CDKN2B-AS1: variants seen among roughly 807,000 people sequenced by gnomAD.
The protein encoded by CDKN2B-AS1 is CDKN2B and CDKN2A antisense cis and trans regulatory RNA 1, also known as CDKN2B antisense RNA 1 (non-protein coding).
intron 4 of CDKN2B-AS1, among the ~76,000 whole-genome samples, chr9:22,095,303 A>G (rs1449058363): frequency 1.4e-5 from 2 of 144,298 alleles, no homozygotes; most frequent in Non-Finnish European, 3.0e-5. Context: ...CAGATCTCAA[A>G]CTGGTTTCAA....
intron 1 of CDKN2B-AS1, among the ~76,000 whole-genome samples, chr9:22,033,390 C>T (rs1759417): frequency 0.067 from 10,138 of 152,178 alleles, 456 homozygotes; most frequent in Non-Finnish European, 0.1. Context: ...ATCACAATTT[C>T]CTCACTATAT....
intron 1 of CDKN2B-AS1, among the ~76,000 whole-genome samples, chr9:22,045,895 A>G (rs1823088432): frequency 6.6e-6 from 1 of 152,134 alleles, no homozygotes; most frequent in Non-Finnish European, 1.5e-5. Flanking sequence ...AATATTTTAT[A>G]TGTACCTATA....
At chr9:22,103,507 C>T (rs1825560142) in intron 4 of CDKN2B-AS1, among the ~76,000 whole-genome samples, 1 of 152,100 alleles carries the variant, frequency 6.6e-6, no homozygotes, top group South Asian at 2.1e-4. Flanking sequence ...GCAGCAAAGG[C>T]CCACATCGTT....
At chr9:22,072,499 G>C (rs1388629110) in intron 4 of CDKN2B-AS1, among the ~76,000 whole-genome samples, 1 of 152,154 alleles carries the variant, frequency 6.6e-6, no homozygotes, top group Non-Finnish European at 1.5e-5. Context: ...TTTTGCCTGT[G>C]TGCGCCTGCA....
At chr9:22,045,955 C>G (rs1434065802) in intron 1 of CDKN2B-AS1, among the ~76,000 whole-genome samples, 8 of 152,088 alleles carry the variant, frequency 5.3e-5, no homozygotes, top group Admixed American at 5.2e-4. Context: ...AATTCTCTTG[C>G]TATATTAAAT....
chr9:22,046,430 C>T (rs982498468), intron 1 of CDKN2B-AS1: 1 of 152,154 alleles, frequency 6.6e-6, no homozygotes, highest in African/African-American at 2.4e-5. Flanking sequence ...ACCTGCCTGC[C>T]CTGTCGAGGA....
chr9:22,083,898 G>A (rs1252746527), intron 4 of CDKN2B-AS1, among the ~76,000 whole-genome samples: 2 of 152,064 alleles, frequency 1.3e-5, no homozygotes, highest in African/African-American at 4.8e-5. Flanking sequence ...TGGTGATGGC[G>A]CTATATATTA....
chr9:22,017,995 A>C (rs1821849046), intron 1 of CDKN2B-AS1, among the ~76,000 whole-genome samples: 1 of 152,240 alleles, frequency 6.6e-6, no homozygotes, highest in Admixed American at 6.5e-5. Context: ...TTGCTATTAT[A>C]GATGGAATAT....
At chr9:22,079,519 AAAAG>A (rs1462614741) in intron 4 of CDKN2B-AS1, among the ~76,000 whole-genome samples, 1 of 151,678 alleles carries the variant, frequency 6.6e-6, no homozygotes, top group Non-Finnish European at 1.5e-5. Flanking sequence ...AAAAAAAAAA[AAAAG>A]GGAAAGAAAA....
intron 2 of CDKN2B-AS1, chr9:22,049,027 T>C (rs1006826889): frequency 1.3e-5 from 2 of 152,192 alleles, no homozygotes; most frequent in African/African-American, 4.8e-5. Flanking sequence ...AATTCTAAAA[T>C]TCTATTATTT....
Position 22,123,273 on chromosome 9 carries a change from A to G in CDKN2B-AS1, n.439-3830A>G, listed in dbSNP as rs146721626. 5.3e-5 allele frequency among the ~76,000 whole-genome samples: 8 copies of G among 152,292 alleles called. No homozygotes were observed. In the East Asian group the frequency reaches 1.2e-3, roughly 22 times the overall value. On this transcript the variant is annotated intron_variant and non_coding_transcript_variant, in intron 4 of 4. Transcript: ENST00000650946. ...TGGTAGAGTCATTAGATTTTTCTGT[A>G]TATAAAATCATGTCATCTGCAAACA...
intron 1 of CDKN2B-AS1, among the ~76,000 whole-genome samples, chr9:22,024,004 G>T (rs1822121954): frequency 6.6e-6 from 1 of 152,182 alleles, no homozygotes; most frequent in South Asian, 2.1e-4. Flanking sequence ...TCCTTTGGAG[G>T]AAAGAAGGTA....
At chr9:22,051,201 A>C (rs1257817260) in intron 3 of CDKN2B-AS1, among the ~76,000 whole-genome samples, 1 of 152,124 alleles carries the variant, frequency 6.6e-6, no homozygotes, top group Non-Finnish European at 1.5e-5. Flanking sequence ...CTGAAAATGA[A>C]AGAGACATTT....
Position 22,091,997 on chromosome 9 carries a change from A to T in CDKN2B-AS1, n.439-35106A>T, listed in dbSNP as rs541949815. Among the ~76,000 whole-genome samples the T allele has an allele frequency of 2.6e-5, 4 of 152,290 alleles. No individual in the cohort carries two copies. In the South Asian group the frequency reaches 8.3e-4, roughly 32 times the overall value. On this transcript the variant is annotated intron_variant and non_coding_transcript_variant, in intron 4 of 4. Transcript: ENST00000650946. ...CTCTTATTATTTTGAGATACATCCC[A>T]TCAATACCTAATTTATTGAGAGTTT...
At chr9:22,003,299 CA>C (rs3217991) in intron 1 of CDKN2B-AS1, 8 of 217,322 alleles carry the variant, frequency 3.7e-5, no homozygotes, top group South Asian at 1.9e-4. Flanking sequence ...ACAAAACAAA[CA>C]AAAAAAACAG....
At chr9:22,022,059 A>G (rs1421492402) in intron 1 of CDKN2B-AS1, among the ~76,000 whole-genome samples, 1 of 152,066 alleles carries the variant, frequency 6.6e-6, no homozygotes, top group Non-Finnish European at 1.5e-5. Context: ...TTTGCTGAGG[A>G]GTGTTTTAAT....
rs764442780 is a variant in CDKN2B-AS1, at chr9:22,006,286, G to A, written n.29+11125G>A. ...CAGAGTGGTCAGAGCCAGGGTGGGG[G>A]CAGGTATGGGAGATGCCGGCCGGGG... On this transcript the variant is annotated intron_variant and non_coding_transcript_variant, in intron 1 of 4. Coordinates refer to ENST00000650946, the Ensembl canonical transcript of CDKN2B-AS1. This position sits in a 1 kb window ranked among gnomAD's most constrained non-coding sequence, Gnocchi z 6.4. 6.9e-6 allele frequency: 11 copies of A among 1,599,340 alleles called. No individual in the cohort carries two copies. The African/African-American group carries it at 1.1e-4, about 16-fold the overall frequency.
At chr9:22,034,944 G>C (rs1335236858) in intron 1 of CDKN2B-AS1, among the ~76,000 whole-genome samples, 1 of 152,164 alleles carries the variant, frequency 6.6e-6, no homozygotes. Flanking sequence ...TGCCATTCTA[G>C]TTGGGTAGTT....
intron 1 of CDKN2B-AS1, among the ~76,000 whole-genome samples, chr9:22,036,781 A>G (rs985831682): frequency 6.6e-6 from 1 of 152,112 alleles, no homozygotes; most frequent in African/African-American, 2.4e-5. Context: ...TTGGAGAGGT[A>G]TTATAGATGA....
Sources: allele counts gnomAD v4.1 joint callset (sites outside exome capture counted in the v4.1 genomes callset), GRCh38; gene constraint gnomAD v4.1.1; non-coding constraint Gnocchi (gnomAD v3.1); transcripts MANE v1.5; gene names NCBI Gene and HGNC (gene_info 2026-07-23, HGNC 2026-07-21).